Variants in FBXL20 observed in about 807,000 individuals in gnomAD.
FBXL20 encodes F-box/LRR-repeat protein 20.
Under a neutral mutation model 64.0 loss-of-function variants are expected in FBXL20, and 11 were observed. The ratio of observed to expected loss-of-function variants is 0.17; its 90% CI spans 0.11 to 0.28. The LOEUF is 0.28. Ranked by LOEUF, FBXL20 falls within the 10% of genes least tolerant of loss-of-function variation. The probability of loss-of-function intolerance (pLI) is 1.00; values close to 1 mark genes in which losing one functional copy is unlikely to be tolerated. For synonymous variants in FBXL20, 184 were observed against 189.0 expected, an observed-to-expected ratio of 0.97 and a Z score of 0.22; for missense variants, 303 against 526.2, an observed-to-expected ratio of 0.58 and a Z score of 4.15.
intron 1 of FBXL20, among the ~76,000 whole-genome samples, chr17:39,369,671 A>G (rs761054983): frequency 1.4e-4 from 21 of 151,624 alleles, no homozygotes; most frequent in Non-Finnish European, 1.9e-4. Context: ...TTTCTTAGAG[A>G]CAGAATCTTG....
rs1174499255 is a variant in FBXL20, at chr17:39,260,097, G to C, written c.*1363C>G. 6.6e-6 allele frequency: 1 copy of C among 151,382 alleles called. No individual in the cohort carries two copies. The highest frequency in any genetic ancestry group is 2.1e-4 in the South Asian group (1 of 4,792). The allele number at this position is 151,382 out of a possible 1,614,324, so 9.4% of individuals were successfully genotyped here. On this transcript the variant is annotated 3_prime_UTR_variant, in exon 15 of 15. Coordinates refer to ENST00000264658, the MANE Select transcript of FBXL20 (RefSeq NM_032875.3). ...CACTAGATATGAATCCATTAACACT[G>C]ACATACAATTGACCAGCTGTTATAG...
intron 1 of FBXL20, among the ~76,000 whole-genome samples, chr17:39,399,530 TG>T (rs1344226587): frequency 6.6e-6 from 1 of 152,228 alleles, no homozygotes; most frequent in Non-Finnish European, 1.5e-5. Context: ...TATTCCGGCA[TG>T]GAACACTTCA....
chr17:39,373,838 C>A (rs1409679555), intron 1 of FBXL20, among the ~76,000 whole-genome samples: 8 of 152,146 alleles, frequency 5.3e-5, no homozygotes, highest in African/African-American at 1.9e-4. Flanking sequence ...TTTCTTTCAA[C>A]TAAAAGTGAA....
At chr17:39,375,692 T>C (rs1305467572) in intron 1 of FBXL20, among the ~76,000 whole-genome samples, 4 of 152,248 alleles carry the variant, frequency 2.6e-5, no homozygotes, top group African/African-American at 9.6e-5. Context: ...CAAATTTTTT[T>C]ACTTTAAAAA....
chr17:39,305,383 C>G (rs904653782), intron 2 of FBXL20, among the ~76,000 whole-genome samples: 1 of 152,080 alleles, frequency 6.6e-6, no homozygotes, highest in Non-Finnish European at 1.5e-5. Flanking sequence ...GCTACCTGTG[C>G]AAATAGTTCA....
chr17:39,396,696 C>T (rs1010633887), intron 1 of FBXL20, among the ~76,000 whole-genome samples: 2 of 151,934 alleles, frequency 1.3e-5, no homozygotes, highest in African/African-American at 4.8e-5. Flanking sequence ...TGGCTCACAC[C>T]TGTAATCCCA....
rs2046718895 is a variant in FBXL20 at position 39,258,825 on chromosome 17, T to C, written c.*2635A>G. ...CTCCTTTAGTTTTGTTTGAGTAACC[T>C]AGGGATCTGAATATTATTAACCACA... On this transcript the variant is annotated 3_prime_UTR_variant, in exon 15 of 15. Transcript: ENST00000264658. 1 of 152,198 alleles carries C rather than the reference T, an allele frequency of 6.6e-6. No individual in the cohort carries two copies. The highest frequency in any genetic ancestry group is 1.5e-5 in the Non-Finnish European group (1 of 68,032). The allele number at this position is 152,198 out of a possible 1,614,324, so 9.4% of individuals were successfully genotyped here. A position where few individuals can be genotyped will look rare whatever the true frequency, so the allele number is the denominator to read the frequency against.
chr17:39,286,097 T>A (rs896690016), intron 6 of FBXL20, among the ~76,000 whole-genome samples: 8 of 152,222 alleles, frequency 5.3e-5, no homozygotes, highest in African/African-American at 1.9e-4. Context: ...ATTAAAGACT[T>A]TTTTCTGCTG....
chr17:39,276,955 A>G (rs2046902953), intron 9 of FBXL20, among the ~76,000 whole-genome samples: 1 of 152,192 alleles, frequency 6.6e-6, no homozygotes, highest in Non-Finnish European at 1.5e-5. Flanking sequence ...AGTTACACAT[A>G]AACATCTCAA....
intron 10 of FBXL20, among the ~76,000 whole-genome samples, chr17:39,272,893 C>T (rs2046859080): frequency 6.6e-6 from 1 of 151,948 alleles, no homozygotes; most frequent in Admixed American, 6.6e-5. Context: ...TCTCTACAGT[C>T]GAAAAGGATA....
In FBXL20 at chr17:39,270,796, C is replaced by G; in HGVS notation, c.888G>C (p.Arg296Ser). Reference protein sequence around the residue: ...LTDVGFTTLARNCHELEKMDL... With the variant: ...LTDVGFTTLASNCHELEKMDL... ...TATGGAACCTAAAGAAAATACTTAC[C>G]CTGGCTAGAGTGGTAAAGCCCACAT... The change falls in exon 11 of 15, where the codon AGG (arginine) becomes AGC (serine). Residue 296 changes from arginine to serine, a missense_variant and splice_region_variant. This residue lies in a region of FBXL20 where 246 missense variants were observed against 422.6 expected (regional missense o/e 0.58). Coordinates refer to ENST00000264658, the MANE Select transcript of FBXL20 (RefSeq NM_032875.3). The G allele has an allele frequency of 6.2e-7, 1 of 1,608,086 alleles. No homozygotes were observed. The highest frequency in any genetic ancestry group is 8.5e-7 in the Non-Finnish European group (1 of 1,177,770).
chr17:39,341,096 T>C (rs2047579001), intron 2 of FBXL20, among the ~76,000 whole-genome samples: 1 of 152,070 alleles, frequency 6.6e-6, no homozygotes, highest in Non-Finnish European at 1.5e-5. Context: ...ACCAATGTTT[T>C]GTATAGTTAA....
At chr17:39,271,392 G>A (rs2046841867) in intron 10 of FBXL20, among the ~76,000 whole-genome samples, 1 of 151,644 alleles carries the variant, frequency 6.6e-6, no homozygotes, top group Non-Finnish European at 1.5e-5. Flanking sequence ...GAGGTCAGGA[G>A]TTCGAGACCA....
At chr17:39,340,026 G>A (rs534985895) in intron 2 of FBXL20, among the ~76,000 whole-genome samples, 1 of 152,218 alleles carries the variant, frequency 6.6e-6, no homozygotes, top group African/African-American at 2.4e-5. Flanking sequence ...GCCTCCCAAG[G>A]TTCAAGTGAT....
rs751404797 is a variant in FBXL20 at position 39,374,778 on chromosome 17, A to ACTTTT, written c.42+26578_42+26582dup. 1.2e-3 allele frequency among the ~76,000 whole-genome samples: 178 copies of ACTTTT among 152,086 alleles called. 2 individuals carry two copies. The highest frequency in any genetic ancestry group is 0.01 in the Middle Eastern group (3 of 294). ...AGAATTTAAGCGGACAGCTCAAGCT[A>ACTTTT]CTTTTCTTTTCTTTTCTTTTTTTTC... On this transcript the variant is annotated intron_variant, in intron 1 of 14. Coordinates refer to ENST00000264658, the MANE Select transcript of FBXL20 (RefSeq NM_032875.3).
intron 2 of FBXL20, among the ~76,000 whole-genome samples, chr17:39,334,940 T>C (rs1340386923): frequency 1.3e-5 from 2 of 152,072 alleles, no homozygotes; most frequent in African/African-American, 4.8e-5. Context: ...TTAAAAGAAA[T>C]TAAAGAATGT....
chr17:39,331,081 G>A (rs1285847370), intron 2 of FBXL20, among the ~76,000 whole-genome samples: 1 of 152,152 alleles, frequency 6.6e-6, no homozygotes, highest in Non-Finnish European at 1.5e-5. Flanking sequence ...CTACACGCAT[G>A]TGCCACCACA....
chr17:39,268,895 A>G, intron 11 of FBXL20, 24 bp from the exon 12 acceptor site: 1 of 1,608,014 alleles, frequency 6.2e-7, no homozygotes, highest in Non-Finnish European at 8.5e-7. Flanking sequence ...AAACAAACAC[A>G]AACATTACAG....
intron 9 of FBXL20, among the ~76,000 whole-genome samples, chr17:39,276,794 T>C (rs2046900557): frequency 6.6e-6 from 1 of 152,140 alleles, no homozygotes; most frequent in Admixed American, 6.6e-5. Context: ...ATCAAAGATG[T>C]TATATTTTTA....
Sources: allele counts gnomAD v4.1 joint callset (sites outside exome capture counted in the v4.1 genomes callset), GRCh38; gene constraint gnomAD v4.1.1; regional missense constraint gnomAD v4.1.1; transcripts MANE v1.5; gene names NCBI Gene and HGNC (gene_info 2026-07-23, HGNC 2026-07-21).